The following MAF variants were observed in gnomAD, a reference collection of about 807,000 sequenced individuals.
MAF encodes the protein transcription factor Maf.
In MAF, 10 loss-of-function variants were observed where a neutral mutation model predicts 22.0. The observed-to-expected ratio is 0.45, with a 90% CI of 0.28 to 0.77. MAF has a LOEUF of 0.77. Ranked by LOEUF, MAF falls within the 30% of genes least tolerant of loss-of-function variation. The pLI is 0.12. For synonymous variants in MAF, 337 were observed against 255.8 expected (o/e 1.32, Z -3.03); for missense variants, 544 against 548.4 (o/e 0.99, Z 0.08).
In MAF at chr16:79,597,039, T is replaced by C. The variant is rs761059164; in HGVS notation, c.1118+1746A>G. 1.1e-4 allele frequency: 119 copies of C among 1,056,870 alleles called. 1 individual carries two copies. In the Middle Eastern group the frequency reaches 1.7e-3, roughly 15 times the overall value. 65.5% of individuals were successfully genotyped at this position (1,056,870 alleles called of 1,614,324 possible). ...CGTTTCCCCTCTTAATACTTTGGTT[T>C]TCAATACAGTCAGTGGTATAGCAAA... On this transcript the variant is annotated intron_variant, in intron 1 of 1. Coordinates refer to ENST00000326043, the MANE Select transcript of MAF (RefSeq NM_005360.5).
At chr16:79,443,487 G>A in the MAF span, among the ~76,000 whole-genome samples, 1 of 152,182 alleles carries the variant, frequency 6.6e-6, no homozygotes, top group African/African-American at 2.4e-5. Context: ...GGTCTGTGCT[G>A]AGGGATAAGG....
At chr16:79,275,237 T>A in the MAF span, among the ~76,000 whole-genome samples, 1 of 152,252 alleles carries the variant, frequency 6.6e-6, no homozygotes, top group Admixed American at 6.5e-5. Context: ...ACGCTTGTAA[T>A]CCTAGCTATT....
chr16:79,542,764 T>C, the MAF span, among the ~76,000 whole-genome samples: 2 of 152,192 alleles, frequency 1.3e-5, no homozygotes, highest in South Asian at 2.1e-4. Context: ...CTCAACCCCA[T>C]AGCAATTCAC....
At chr16:79,382,448 T>C in the MAF span, among the ~76,000 whole-genome samples, 12 of 152,222 alleles carry the variant, frequency 7.9e-5, no homozygotes, top group Non-Finnish European at 1.6e-4. Context: ...TATGTGGCTA[T>C]TGAGCACTTG....
the MAF span, among the ~76,000 whole-genome samples, chr16:79,447,289 G>A: frequency 6.6e-6 from 1 of 151,094 alleles, no homozygotes; most frequent in Admixed American, 6.6e-5. Context: ...ATTACAACAT[G>A]GTTCGCTGGA....
At chr16:79,434,145 G>A in the MAF span, among the ~76,000 whole-genome samples, 1 of 152,134 alleles carries the variant, frequency 6.6e-6, no homozygotes, top group African/African-American at 2.4e-5. Flanking sequence ...CTGCACACTG[G>A]GCCATGCAAG....
the MAF span, among the ~76,000 whole-genome samples, chr16:79,286,929 T>G: frequency 6.6e-6 from 1 of 152,138 alleles, no homozygotes; most frequent in African/African-American, 2.4e-5. Flanking sequence ...GGCACAGACC[T>G]GACTCTCTGG....
At chr16:79,463,907 A>C in the MAF span, among the ~76,000 whole-genome samples, 1 of 151,934 alleles carries the variant, frequency 6.6e-6, no homozygotes, top group African/African-American at 2.4e-5. Flanking sequence ...AAACAAATGG[A>C]AACTGACACT....
chr16:79,452,807 A>G, the MAF span, among the ~76,000 whole-genome samples: 1 of 152,164 alleles, frequency 6.6e-6, no homozygotes, highest in Non-Finnish European at 1.5e-5. Flanking sequence ...CAGTTGGCTG[A>G]AAGGGAGATT....
chr16:79,595,460 T>C (rs1214500516), intron 1 of MAF: 3 of 1,057,770 alleles, frequency 2.8e-6, no homozygotes, highest in Non-Finnish European at 3.4e-6. Context: ...AGTCATCGTG[T>C]TTGGCTGTAT....
At chr16:79,332,425 C>G in the MAF span, among the ~76,000 whole-genome samples, 1 of 152,106 alleles carries the variant, frequency 6.6e-6, no homozygotes, top group Admixed American at 6.5e-5. Context: ...CTCAGCCTCC[C>G]GAGTAGCTGG....
chr16:79,211,600 A>G, the MAF span: 3 of 1,614,074 alleles, frequency 1.9e-6, no homozygotes, highest in Non-Finnish European at 2.5e-6. Context: ...TTCTTCTTGG[A>G]TTTCCAGCAA....
At chr16:79,408,376 A>G in the MAF span, among the ~76,000 whole-genome samples, 1 of 152,150 alleles carries the variant, frequency 6.6e-6, no homozygotes, top group Non-Finnish European at 1.5e-5. Context: ...GGGTTTCGCC[A>G]TGTTGTTCAG....
the MAF span, among the ~76,000 whole-genome samples, chr16:79,529,537 C>A: frequency 6.6e-6 from 1 of 152,114 alleles, no homozygotes; most frequent in Admixed American, 6.6e-5. Flanking sequence ...CAATGCCAAT[C>A]TTAATAATAT....
At chr16:79,347,262 G>A in the MAF span, among the ~76,000 whole-genome samples, 1 of 152,338 alleles carries the variant, frequency 6.6e-6, no homozygotes, top group South Asian at 2.1e-4. Flanking sequence ...ATGTGAGAGT[G>A]AGAGGTGTGC....
At chr16:79,528,009 G>A in the MAF span, among the ~76,000 whole-genome samples, 1 of 152,100 alleles carries the variant, frequency 6.6e-6, no homozygotes, top group Non-Finnish European at 1.5e-5. Flanking sequence ...CGGGCGTGTT[G>A]GTGCGCACCT....
chr16:79,489,156 C>G, the MAF span, among the ~76,000 whole-genome samples: 2 of 152,004 alleles, frequency 1.3e-5, no homozygotes, highest in African/African-American at 4.8e-5. Context: ...TCCACCCATC[C>G]CCACACATCC....
the MAF span, among the ~76,000 whole-genome samples, chr16:79,334,125 G>A: frequency 1.4e-4 from 21 of 152,188 alleles, no homozygotes; most frequent in African/African-American, 4.8e-4. Context: ...AACTTCATTT[G>A]TTCACCAAAG....
the MAF span, among the ~76,000 whole-genome samples, chr16:79,410,470 A>C: frequency 6.6e-6 from 1 of 152,246 alleles, no homozygotes; most frequent in Non-Finnish European, 1.5e-5. Context: ...ATCATTTCCT[A>C]TTCAATTCAC....
Sources: allele counts gnomAD v4.1 joint callset (sites outside exome capture counted in the v4.1 genomes callset), GRCh38; gene constraint gnomAD v4.1.1; transcripts MANE v1.5; gene names NCBI Gene and HGNC (gene_info 2026-07-23, HGNC 2026-07-21).